GRIP1: variants seen among roughly 807,000 people sequenced by gnomAD.
GRIP1 encodes the protein glutamate receptor-interacting protein 1.
GRIP1 carries 45 observed loss-of-function variants against 129.9 expected under a neutral mutation model. The ratio of observed to expected loss-of-function variants is 0.35; its 90% CI spans 0.27 to 0.44. GRIP1 has a LOEUF of 0.44. Ranked by LOEUF, GRIP1 falls within the 20% of genes least tolerant of loss-of-function variation. The probability of loss-of-function intolerance (pLI) is 1.00; values close to 1 mark genes in which losing one functional copy is unlikely to be tolerated. For synonymous variants in GRIP1, 530 were observed against 520.8 expected (o/e 1.02, Z -0.24); for missense variants, 1,196 against 1,396.8 (o/e 0.86, Z 2.29).
intron 1 of GRIP1, among the ~76,000 whole-genome samples, chr12:67,037,773 T>G (rs1565650400): frequency 6.6e-6 from 1 of 152,226 alleles, no homozygotes; most frequent in African/African-American, 2.4e-5. Context: ...AGCAAAATGT[T>G]AAGGTTATAA....
At chr12:66,784,121 A>T (rs12367065) in intron 1 of GRIP1, among the ~76,000 whole-genome samples, 6 of 151,584 alleles carry the variant, frequency 4.0e-5, no homozygotes, top group Non-Finnish European at 7.4e-5. Flanking sequence ...ATTTCCTCTA[A>T]TTTTTTTTTA....
chr12:66,903,142 T>C (rs1330608789), intron 1 of GRIP1, among the ~76,000 whole-genome samples: 3 of 152,180 alleles, frequency 2.0e-5, no homozygotes, highest in Non-Finnish European at 4.4e-5. Flanking sequence ...GGGAAATCCT[T>C]GACTTATTAC....
chr12:66,421,539 C>T (rs553553632), intron 14 of GRIP1, among the ~76,000 whole-genome samples: 138 of 152,144 alleles, frequency 9.1e-4, no homozygotes, highest in Middle Eastern at 3.4e-3. Context: ...AGCAAAACTC[C>T]GTCTTGATCA....
intron 15 of GRIP1, among the ~76,000 whole-genome samples, chr12:66,408,428 G>A (rs1683742853): frequency 1.3e-5 from 2 of 152,098 alleles, no homozygotes; most frequent in African/African-American, 2.4e-5. Flanking sequence ...GCAGTGAGCC[G>A]ATTGCACCAC....
intron 7 of GRIP1, among the ~76,000 whole-genome samples, chr12:66,477,630 A>G (rs530674304): frequency 1.7e-3 from 254 of 152,348 alleles, no homozygotes; most frequent in Middle Eastern, 3.4e-3. Flanking sequence ...TTCAAACTAT[A>G]CTACAAGGTT....
intron 1 of GRIP1, among the ~76,000 whole-genome samples, chr12:67,036,230 C>T (rs910655560): frequency 8.6e-5 from 13 of 152,030 alleles, no homozygotes; most frequent in African/African-American, 3.1e-4. Flanking sequence ...ATAACTTTTA[C>T]TTTTATGAGG....
intron 1 of GRIP1, among the ~76,000 whole-genome samples, chr12:66,835,819 A>C (rs755527245): frequency 2.6e-5 from 4 of 152,196 alleles, no homozygotes; most frequent in Non-Finnish European, 4.4e-5. Context: ...TGGTGCATAC[A>C]TGTCATCATA....
intron 1 of GRIP1, among the ~76,000 whole-genome samples, chr12:66,961,457 T>C (rs1401338893): frequency 1.3e-5 from 2 of 152,164 alleles, no homozygotes; most frequent in East Asian, 3.8e-4. Context: ...ATAAGCAGCT[T>C]GCTCCAGAAA....
intron 1 of GRIP1, among the ~76,000 whole-genome samples, chr12:66,636,478 T>C (rs2031382810): frequency 6.6e-6 from 1 of 152,114 alleles, no homozygotes; most frequent in Non-Finnish European, 1.5e-5. Flanking sequence ...AAAACAAAAA[T>C]CTAACTTCTG....
intron 1 of GRIP1, among the ~76,000 whole-genome samples, chr12:66,743,810 G>GC (rs889846670): frequency 6.6e-6 from 1 of 152,134 alleles, no homozygotes; most frequent in African/African-American, 2.4e-5. Flanking sequence ...CCAGTGGATT[G>GC]CCACAAGGGC....
intron 1 of GRIP1, among the ~76,000 whole-genome samples, chr12:66,874,162 G>A (rs988983805): frequency 6.6e-6 from 1 of 152,096 alleles, no homozygotes; most frequent in African/African-American, 2.4e-5. Context: ...AGAGCTATTA[G>A]TCAAAGTACC....
chr12:66,559,657 G>A (rs940844305), intron 2 of GRIP1, among the ~76,000 whole-genome samples: 3 of 151,968 alleles, frequency 2.0e-5, no homozygotes, highest in Non-Finnish European at 2.9e-5. Flanking sequence ...AAACCTTGAT[G>A]AAAGAAATTG....
intron 15 of GRIP1, among the ~76,000 whole-genome samples, chr12:66,412,407 A>G (rs914425719): frequency 6.6e-6 from 1 of 152,216 alleles, no homozygotes; most frequent in African/African-American, 2.4e-5. Flanking sequence ...AGGAGAAATA[A>G]GATCCTTTTC....
chr12:66,444,311 C>T (rs919649127), intron 13 of GRIP1, among the ~76,000 whole-genome samples: 2 of 151,032 alleles, frequency 1.3e-5, no homozygotes, highest in South Asian at 4.2e-4. Flanking sequence ...AAGGTGAAAC[C>T]CCGTCTCTAC....
rs2060829230 is a variant in GRIP1, at chr12:66,515,856, A to T, written c.579-92T>A. On this transcript the variant is annotated intron_variant, in intron 6 of 24. Coordinates refer to ENST00000359742, the MANE Select transcript of GRIP1 (RefSeq NM_001366722.1). Reference sequence around the variant, plus strand: ...TTTAGCCAAATTCGTTTTGTCACACATATTCTGCCATCCATCTCATTTGCA... The same window carrying T: ...TTTAGCCAAATTCGTTTTGTCACACTTATTCTGCCATCCATCTCATTTGCA... 1.0e-5 allele frequency: 10 copies of T among 961,230 alleles called. No individual in the cohort carries two copies. In the South Asian group the frequency reaches 1.3e-4, roughly 12 times the overall value. 59.5% of individuals were successfully genotyped at this position (961,230 alleles called of 1,614,324 possible). A position where few individuals can be genotyped will look rare whatever the true frequency, so the allele number is the denominator to read the frequency against.
intron 2 of GRIP1, among the ~76,000 whole-genome samples, chr12:66,580,015 G>A (rs1166175560): frequency 4.7e-5 from 7 of 148,552 alleles, no homozygotes; most frequent in South Asian, 4.4e-4. Flanking sequence ...GAGAAAGGTC[G>A]GGTTACCCAC....
intron 1 of GRIP1, among the ~76,000 whole-genome samples, chr12:66,604,006 C>A (rs865889696): frequency 2.0e-5 from 3 of 152,226 alleles, no homozygotes; most frequent in Non-Finnish European, 4.4e-5. Context: ...TATTCTGCCT[C>A]ATGGCAGGGA....
At position 66,743,600 on chromosome 12, in the gene GRIP1, G is replaced by T. The variant is rs553983563; in HGVS notation, c.-420+60453C>A. 1.3e-3 allele frequency among the ~76,000 whole-genome samples: 185 copies of T among 145,794 alleles called. 4 individuals are homozygous for T. The East Asian group carries it at 0.03, about 23-fold the overall frequency. ...TAACGTAAATAGGCTTTTTTTTTGT[G>T]TGTGTGTGTGTGGCCATGCACTCAA... On this transcript the variant is annotated intron_variant, in intron 1 of 4. Coordinates refer to the GRIP1 transcript ENST00000538373.
intron 7 of GRIP1, among the ~76,000 whole-genome samples, chr12:66,495,301 T>C (rs969011718): frequency 6.6e-6 from 1 of 152,206 alleles, no homozygotes; most frequent in Non-Finnish European, 1.5e-5. Context: ...AAGAAAGTTA[T>C]GAGAGAAAGA....
Sources: gnomAD v4.1 joint callset for allele counts (sites outside exome capture counted in the v4.1 genomes callset) on GRCh38, gnomAD v4.1.1 for gene constraint, MANE v1.5 for transcripts, NCBI Gene and HGNC (gene_info 2026-07-23, HGNC 2026-07-21) for gene names.